Variants in ATP6V0D2 observed in about 807,000 individuals in gnomAD.
ATP6V0D2 encodes the protein V-type proton ATPase subunit d 2.
Under a neutral mutation model 40.0 loss-of-function variants are expected in ATP6V0D2, and 40 were observed. The ratio of observed to expected loss-of-function variants is 1.00; its 90% CI spans 0.78 to 1.30. ATP6V0D2 has a LOEUF of 1.30. Among genes scored for constraint, ATP6V0D2 ranks in the 50% most tolerant of loss-of-function variants. ATP6V0D2 has a pLI of 0.00. For synonymous variants in ATP6V0D2, 179 were observed against 156.3 expected (o/e 1.15, Z -1.08); for missense variants, 470 against 423.1 (o/e 1.11, Z -0.97).
intron 2 of ATP6V0D2, among the ~76,000 whole-genome samples, chr8:86,139,247 A>G (rs1479044373): frequency 6.6e-6 from 1 of 151,284 alleles, no homozygotes; most frequent in African/African-American, 2.4e-5. Context: ...AAAAAAAAGA[A>G]TATTGAATAT....
chr8:86,117,808 T>C (rs961687876), intron 2 of ATP6V0D2, among the ~76,000 whole-genome samples: 2 of 151,976 alleles, frequency 1.3e-5, no homozygotes, highest in African/African-American at 2.4e-5. Context: ...GTCTGAAACA[T>C]GTAGATGGGA....
chr8:86,137,701 C>T (rs1255759746), intron 2 of ATP6V0D2, among the ~76,000 whole-genome samples: 1 of 152,054 alleles, frequency 6.6e-6, no homozygotes, highest in Admixed American at 6.6e-5. Context: ...ACTGTCAAGC[C>T]CAGAAACCTA....
intron 2 of ATP6V0D2, among the ~76,000 whole-genome samples, chr8:86,124,049 C>T (rs1818708252): frequency 6.6e-6 from 1 of 152,164 alleles, no homozygotes; most frequent in East Asian, 1.9e-4. Flanking sequence ...ATGAAATTGG[C>T]TTTTTGACAC....
chr8:86,118,673 A>G (rs758051758), intron 2 of ATP6V0D2, among the ~76,000 whole-genome samples: 2 of 152,266 alleles, frequency 1.3e-5, no homozygotes, highest in South Asian at 4.2e-4. Flanking sequence ...ATAATTATGG[A>G]AACAGTAAAG....
Position 86,139,602 on chromosome 8 carries a change from C to G in ATP6V0D2, c.448C>G (p.Leu150Val). 1.2e-6 allele frequency: 2 copies of G among 1,610,444 alleles called. No homozygotes were observed. The highest frequency in any genetic ancestry group is 1.1e-5 in the South Asian group (1 of 90,360). Residue 150 changes from leucine to valine, a missense_variant, in exon 3 of 8, where the codon CTC becomes GTC. By Grantham distance (32) the Leu-to-Val change is conservative. Coordinates refer to ENST00000285393, the MANE Select transcript of ATP6V0D2 (RefSeq NM_152565.1). ...CAACATTGCAGAGACACCTTCAGAT[C>G]TCTTTAATGCCATTCTGATCGAAAC... is the stretch of plus-strand genomic sequence containing the variant. The part of the protein sequence containing the change: ...AVNIAETPSD[L>V]FNAILIETPL...
intron 2 of ATP6V0D2, among the ~76,000 whole-genome samples, chr8:86,120,382 G>A (rs888440963): frequency 2.0e-5 from 3 of 152,068 alleles, no homozygotes; most frequent in Non-Finnish European, 4.4e-5. Context: ...TTGAGTGACA[G>A]AGTGAGACCC....
chr8:86,113,281 C>A (rs577672501), intron 1 of ATP6V0D2, among the ~76,000 whole-genome samples: 1 of 152,022 alleles, frequency 6.6e-6, no homozygotes, highest in Non-Finnish European at 1.5e-5. Context: ...GAGTTCGAGA[C>A]CAGCCTGGCC....
At chr8:86,105,413 C>T (rs2130228249) in intron 1 of ATP6V0D2, among the ~76,000 whole-genome samples, 1 of 151,998 alleles carries the variant, frequency 6.6e-6, no homozygotes, top group South Asian at 2.1e-4. Context: ...ACCCTCCCAC[C>T]TCAGCCTCCT....
At chr8:86,118,036 C>CTTTCTTTCTTCTTTCTT (rs1295307739) in intron 2 of ATP6V0D2, among the ~76,000 whole-genome samples, 1 of 127,970 alleles carries the variant, frequency 7.8e-6, no homozygotes, top group African/African-American at 2.8e-5. Context: ...CTTTTTTTTT[C>CTTTCTTTCTTCTTTCTT]TTTCTTTCTT....
Position 86,113,774 on chromosome 8 carries a change from A to C in ATP6V0D2, c.196A>C (p.Thr66Pro), listed in dbSNP as rs1563556878. Residue 66 changes from threonine (T) to proline (P), a missense_variant, in exon 2 of 8, where the codon ACT becomes CCT. Coordinates refer to ENST00000285393, the MANE Select transcript of ATP6V0D2 (RefSeq NM_152565.1). ...TTTGGCTAATCACACAAATCCTCTT[A>C]CTGTTTCCAAAATTGACACTGAGAT... ...NFLANHTNPL[T>P]VSKIDTEMRK... is the part of the protein sequence containing the mutation. 3 of 1,613,756 alleles carry C rather than the reference A, an allele frequency of 1.9e-6. No homozygotes were observed. Among genetic ancestry groups the C allele is most frequent in the Non-Finnish European group, 2.5e-6 (3 of 1,179,866 alleles).
At chr8:86,127,202 TCA>T (rs1173439737) in intron 2 of ATP6V0D2, among the ~76,000 whole-genome samples, 1 of 152,168 alleles carries the variant, frequency 6.6e-6, no homozygotes, top group Non-Finnish European at 1.5e-5. Flanking sequence ...GACTAGGAAA[TCA>T]CGCGATATGA....
intron 1 of ATP6V0D2, among the ~76,000 whole-genome samples, chr8:86,110,355 A>G (rs975130232): frequency 1.3e-5 from 2 of 152,208 alleles, no homozygotes; most frequent in Admixed American, 6.5e-5. Flanking sequence ...TCAGCCTCCC[A>G]AAGTGCTGGG....
chr8:86,128,184 C>T (rs113276655), intron 2 of ATP6V0D2, among the ~76,000 whole-genome samples: 20,756 of 152,060 alleles, frequency 0.14, 1,611 homozygotes, highest in Non-Finnish European at 0.18. Flanking sequence ...CTCATCTCTA[C>T]GAAAAATACA....
At chr8:86,134,439 T>A (rs1818869256) in intron 2 of ATP6V0D2, among the ~76,000 whole-genome samples, 1 of 152,184 alleles carries the variant, frequency 6.6e-6, no homozygotes, top group African/African-American at 2.4e-5. Context: ...CCTCTTGAGT[T>A]TTCTTAATTG....
At chr8:86,145,298 A>T (rs1192861866) in intron 5 of ATP6V0D2, among the ~76,000 whole-genome samples, 3 of 108,298 alleles carry the variant, frequency 2.8e-5, no homozygotes, top group African/African-American at 1.0e-4. Context: ...AGAAAGAAAG[A>T]AAGAAAGAAA....
chr8:86,123,706 T>G (rs1031124145), intron 2 of ATP6V0D2, among the ~76,000 whole-genome samples: 1 of 152,206 alleles, frequency 6.6e-6, no homozygotes, highest in African/African-American at 2.4e-5. Flanking sequence ...GTGGATTTTA[T>G]TTTTAGTTCT....
At position 86,141,957 on chromosome 8, in the gene ATP6V0D2, T is replaced by A. The variant is rs567785819; in HGVS notation, c.561+428T>A. 1.4e-4 allele frequency among the ~76,000 whole-genome samples: 21 copies of A among 152,322 alleles called. No homozygotes were observed. The South Asian group carries it at 4.4e-3, about 32-fold the overall frequency. On this transcript the variant is annotated intron_variant, in intron 4 of 7. Coordinates refer to ENST00000285393, the MANE Select transcript of ATP6V0D2 (RefSeq NM_152565.1). The stretch of plus-strand genomic sequence containing the variant: ...AGCTAATCTGCCCACACAATTTTAA[T>A]CTACAGTGTGCAGCATACCAGAATG...
At chr8:86,143,880 G>A (rs1304122909) in intron 5 of ATP6V0D2, among the ~76,000 whole-genome samples, 1 of 152,078 alleles carries the variant, frequency 6.6e-6, no homozygotes, top group South Asian at 2.1e-4. Context: ...TCCCTCTGGT[G>A]AGGGAACATT....
intron 5 of ATP6V0D2, among the ~76,000 whole-genome samples, chr8:86,146,375 G>T (rs763075287): frequency 6.6e-6 from 1 of 151,998 alleles, no homozygotes. Flanking sequence ...TGAGATTAGT[G>T]TTTGTTTGTT....
Sources: allele counts gnomAD v4.1 joint callset (sites outside exome capture counted in the v4.1 genomes callset), GRCh38; gene constraint gnomAD v4.1.1; transcripts MANE v1.5; gene names NCBI Gene and HGNC (gene_info 2026-07-23, HGNC 2026-07-21).